The following ACADSB variants were observed in gnomAD, a reference collection of about 807,000 sequenced individuals.
ACADSB encodes the protein short/branched chain specific acyl-CoA dehydrogenase, mitochondrial.
Under a neutral mutation model 54.1 loss-of-function variants are expected in ACADSB, and 40 were observed. That is an observed-to-expected ratio of 0.74 (90% CI 0.57 to 0.96). The LOEUF (loss-of-function observed/expected upper bound fraction) is 0.96, where lower values mean the gene tolerates loss of function less well. Among genes scored for constraint, ACADSB ranks in the 40% least tolerant of loss-of-function variants. ACADSB has a pLI of 0.00. For missense variants in ACADSB, 530 were observed against 510.4 expected (o/e 1.04, Z -0.37); for synonymous variants, 182 against 182.8 (o/e 1.00, Z 0.03).
At chr10:123,016,688 G>A (rs1850113249) in intron 1 of ACADSB, among the ~76,000 whole-genome samples, 1 of 152,212 alleles carries the variant, frequency 6.6e-6, no homozygotes. Context: ...GTCAGCCTTT[G>A]GGGTACAGTT....
chr10:123,035,743 CT>C lies in ACADSB; in HGVS notation c.202+1229del, dbSNP rs547773258. Among the ~76,000 whole-genome samples, 745 of 152,320 alleles carry C rather than the reference CT, an allele frequency of 4.9e-3. 3 individuals are homozygous for C. The highest frequency in any genetic ancestry group is 0.017 in the African/African-American group (709 of 41,572). On this transcript the variant is annotated intron_variant, in intron 2 of 10. Transcript: ENST00000358776. Reference sequence around the variant, plus strand: ...GGCTGAGGTCTTGTTGCCCAGCTGGCTGTCAGCCAGAGGTTGTCCCCAACTC... The same window carrying C: ...GGCTGAGGTCTTGTTGCCCAGCTGGCGTCAGCCAGAGGTTGTCCCCAACTC...
In ACADSB at chr10:123,053,159, T is replaced by G; in HGVS notation, c.1227T>G (p.Ile409Met). ...AGAAATACTTCCGAGATGCAAAGAT[T>G]GGTAAATAGATTTTTTTTTTTTACA... ...PVEKYFRDAK[I>M]GTIYEGASNI... is the part of the protein sequence containing the mutation. Residue 409 changes from isoleucine (I) to methionine (M), a missense_variant and splice_region_variant, in exon 10 of 11, where the codon ATT becomes ATG. Physicochemically the swap from Ile to Met is conservative, Grantham distance 10. Transcript: ENST00000358776. The G allele has an allele frequency of 1.3e-6, 2 of 1,560,762 alleles. No individual in the cohort carries two copies. Among genetic ancestry groups the G allele is most frequent in the African/African-American group, 1.7e-5 (1 of 59,592 alleles).
At chr10:123,051,922 G>C (rs1850638611) in intron 9 of ACADSB, among the ~76,000 whole-genome samples, 1 of 152,030 alleles carries the variant, frequency 6.6e-6, no homozygotes, top group Non-Finnish European at 1.5e-5. Flanking sequence ...CCCACATTGA[G>C]TCCAGCATCA....
chr10:123,019,506 A>G (rs954839994), intron 1 of ACADSB, among the ~76,000 whole-genome samples: 4 of 152,190 alleles, frequency 2.6e-5, no homozygotes, highest in Admixed American at 2.0e-4. Flanking sequence ...TTTTTTCTGT[A>G]AGATTGTGAT....
chr10:123,053,236 G>C, intron 10 of ACADSB, 76 bp downstream of exon 10: 2 of 1,234,148 alleles, frequency 1.6e-6, no homozygotes, highest in Non-Finnish European at 2.3e-6. Flanking sequence ...TTTATTTGTC[G>C]TTTTTTTCCT....
rs770933347 is a variant in ACADSB, at chr10:123,041,373, T to C, written c.675T>C (p.Pro225=). Reference sequence around the variant, plus strand: ...TTCTGGTGATGGCAAATGTAGACCCTACCATTGTAAGTTTGAAAACGAAAT... The same window carrying C: ...TTCTGGTGATGGCAAATGTAGACCCCACCATTGTAAGTTTGAAAACGAAAT... ...GLFLVMANVD[P]TIGYKGITSF... Residue 225 remains proline (P), a synonymous_variant, in exon 5 of 11, where the codon CCT becomes CCC. Coordinates refer to ENST00000358776, the MANE Select transcript of ACADSB (RefSeq NM_001609.4). The C allele has an allele frequency of 3.0e-5, 49 of 1,614,082 alleles. No homozygotes were observed. The highest frequency in any genetic ancestry group is 4.2e-5 in the Non-Finnish European group (49 of 1,180,020).
rs1328909309 is a variant in ACADSB at position 123,009,120 on chromosome 10, C to T, written c.42+49C>T. 5 of 1,533,960 alleles carry T rather than the reference C, an allele frequency of 3.3e-6. No individual in the cohort carries two copies. The East Asian group carries it at 7.3e-5, about 23-fold the overall frequency. On this transcript the variant is annotated intron_variant, in intron 1 of 10. Transcript: ENST00000358776. ...CCTGGGGGCCCAGGGCGACCTTGGC[C>T]CCTGGAATCGCAGCTGGCAGAGCCT... is the stretch of plus-strand genomic sequence containing the variant.
In ACADSB at chr10:123,053,800, T is replaced by C. The variant is rs368092819; in HGVS notation, c.*35T>C. Reference sequence around the variant, plus strand: ...GAGTGGGACCCCTCCCTGGTGTCACTGCTGTAAAATTTTAAACGGTTGTGT... The same window carrying C: ...GAGTGGGACCCCTCCCTGGTGTCACCGCTGTAAAATTTTAAACGGTTGTGT... On this transcript the variant is annotated 3_prime_UTR_variant, in exon 11 of 11. Transcript: ENST00000358776. The C allele has an allele frequency of 1.4e-4, 226 of 1,579,924 alleles. No homozygotes were observed. The highest frequency in any genetic ancestry group is 1.9e-4 in the Non-Finnish European group (218 of 1,149,010).
Position 123,040,640 on chromosome 10 carries a change from G to A in ACADSB, c.478G>A (p.Ala160Thr). The change falls in exon 4 of 11, where the codon GCC becomes ACC. Residue 160 changes from alanine (A) to threonine (T), a missense_variant. Physicochemically the swap from Ala to Thr is moderately conservative, Grantham distance 58 (BLOSUM62 0). Transcript: ENST00000358776. ...AAAACATGGAACAGAAGAACAAAAG[G>A]CCACCTATTTGCCTCAGCTCACTAC... ...IRKHGTEEQK[A>T]TYLPQLTTEK... 6.2e-7 allele frequency: 1 copy of A among 1,613,966 alleles called. No homozygotes were observed. The highest frequency in any genetic ancestry group is 2.2e-5 in the East Asian group (1 of 44,864).
rs191813262 is a variant in ACADSB, at chr10:123,045,855, C to T, written c.901-1354C>T. Among the ~76,000 whole-genome samples, 744 of 152,116 alleles carry T rather than the reference C, an allele frequency of 4.9e-3. 3 individuals carry two copies. The highest frequency in any genetic ancestry group is 0.017 in the African/African-American group (708 of 41,486). ...TTAATTACTCCAAGTTATATAATAA[C>T]CTAATTAAAAGTTAAGATCAGGTAG... On this transcript the variant is annotated intron_variant, in intron 7 of 10. Transcript: ENST00000358776.
chr10:123,053,037 G>A (rs781313089), intron 9 of ACADSB, 24 bp from the exon 10 acceptor site: 3 of 1,580,478 alleles, frequency 1.9e-6, no homozygotes, highest in Non-Finnish European at 2.6e-6. Context: ...GTTTCAGTGT[G>A]TGATTTGCAC....
intron 2 of ACADSB, among the ~76,000 whole-genome samples, chr10:123,037,175 G>C (rs1312693122): frequency 6.6e-6 from 1 of 152,142 alleles, no homozygotes; most frequent in African/African-American, 2.4e-5. Context: ...GCAATGCACA[G>C]GACAGCCCCA....
At chr10:123,040,083 C>T (rs572710217) in intron 3 of ACADSB, among the ~76,000 whole-genome samples, 18 of 151,800 alleles carry the variant, frequency 1.2e-4, no homozygotes, top group South Asian at 4.2e-4. Context: ...CAGTCGCTCA[C>T]GCCTGTAATC....
intron 1 of ACADSB, among the ~76,000 whole-genome samples, chr10:123,009,843 A>G (rs1045339967): frequency 1.3e-5 from 2 of 152,244 alleles, no homozygotes; most frequent in Non-Finnish European, 2.9e-5. Flanking sequence ...CATGCTTTTC[A>G]GAACATACAC....
intron 2 of ACADSB, 103 bp from the exon 3 acceptor site, chr10:123,037,644 C>T (rs889012322): frequency 1.3e-6 from 1 of 765,838 alleles, no homozygotes; most frequent in African/African-American, 1.7e-5. Flanking sequence ...AAGAAGGGTA[C>T]CTGTGTATAT....
chr10:123,011,792 C>T (rs998272171), intron 1 of ACADSB, among the ~76,000 whole-genome samples: 2 of 151,946 alleles, frequency 1.3e-5, no homozygotes, highest in African/African-American at 4.8e-5. Flanking sequence ...CCATGGCCTC[C>T]CAAAATGCTG....
chr10:123,035,850 C>T (rs545208661), intron 2 of ACADSB, among the ~76,000 whole-genome samples: 1 of 152,184 alleles, frequency 6.6e-6, no homozygotes, highest in East Asian at 1.9e-4. Flanking sequence ...TCGAGTCTCT[C>T]TCATCCTTAA....
At chr10:123,050,176 C>T (rs1002022789) in intron 8 of ACADSB, among the ~76,000 whole-genome samples, 2 of 152,224 alleles carry the variant, frequency 1.3e-5, no homozygotes, top group African/African-American at 4.8e-5. Flanking sequence ...TTAAGAAAGG[C>T]CATTCCTGGG....
intron 1 of ACADSB, among the ~76,000 whole-genome samples, chr10:123,015,500 T>C (rs1399783968): frequency 6.6e-6 from 1 of 152,156 alleles, no homozygotes; most frequent in Non-Finnish European, 1.5e-5. Flanking sequence ...GGCCAATAGC[T>C]TGCCTGAGCT....
Sources: allele counts gnomAD v4.1 joint callset (sites outside exome capture counted in the v4.1 genomes callset), GRCh38; gene constraint gnomAD v4.1.1; transcripts MANE v1.5; gene names NCBI Gene and HGNC (gene_info 2026-07-23, HGNC 2026-07-21).